The following NUP58 variants were observed in gnomAD, a reference collection of about 807,000 sequenced individuals.
The protein encoded by NUP58 is nucleoporin p58/p45.
Under a neutral mutation model 70.1 loss-of-function variants are expected in NUP58, and 17 were observed. The observed-to-expected ratio is 0.24, with a 90% CI of 0.17 to 0.36. The LOEUF is 0.36. Among genes scored for constraint, NUP58 ranks in the 10% least tolerant of loss-of-function variants. The pLI is 1.00. For synonymous variants in NUP58, 275 were observed against 257.6 expected (o/e 1.07, Z -0.65); for missense variants, 644 against 701.5 (o/e 0.92, Z 0.93).
intron 13 of NUP58, chr13:25,333,413 T>C (rs1260031617): frequency 1.0e-6 from 1 of 985,242 alleles, no homozygotes; most frequent in Admixed American, 6.2e-5. Flanking sequence ...TTTGGGGAAA[T>C]TGACTGCCTT....
At chr13:25,320,735 C>A in intron 8 of NUP58, 140 bp downstream of exon 8, 1 of 770,562 alleles carries the variant, frequency 1.3e-6, no homozygotes, top group Non-Finnish European at 2.0e-6. Flanking sequence ...TTTTAGAAAT[C>A]AGAAAAAAAG....
intron 14 of NUP58, 54 bp from the exon 15 acceptor site, chr13:25,338,582 C>A: frequency 1.5e-6 from 2 of 1,328,918 alleles, no homozygotes; most frequent in Non-Finnish European, 2.2e-6. Flanking sequence ...TGTCCATATC[C>A]TTTAACCTGT....
intron 6 of NUP58, among the ~76,000 whole-genome samples, chr13:25,315,909 A>G (rs1264370179): frequency 1.3e-5 from 2 of 152,182 alleles, no homozygotes; most frequent in African/African-American, 4.8e-5. Context: ...TCAACTGCTT[A>G]TAAGCTCTCT....
At position 25,311,154 on chromosome 13, in the gene NUP58, G is replaced by A. The variant is rs1044013018; in HGVS notation, c.287-1729G>A. On this transcript the variant is annotated intron_variant, in intron 3 of 15. Coordinates refer to ENST00000381736, the MANE Select transcript of NUP58 (RefSeq NM_014089.4). The stretch of plus-strand genomic sequence containing the variant: ...AGTGCAAAGGCCCAGTCATAAAAGC[G>A]TTCTGGGAAATATGAAGTATTTTGG... Among the ~76,000 whole-genome samples the A allele has an allele frequency of 3.3e-5, 5 of 152,174 alleles. No individual in the cohort carries two copies. The East Asian group carries it at 7.7e-4, about 23-fold the overall frequency.
chr13:25,326,808 C>G (rs967948687), intron 10 of NUP58, 108 bp from the exon 11 acceptor site: 2 of 541,724 alleles, frequency 3.7e-6, no homozygotes, highest in Non-Finnish European at 6.5e-6. Flanking sequence ...CTTGGATAAC[C>G]TTGATACTTT....
At chr13:25,348,880 C>T (rs182909834) in intron 3 of NUP58, among the ~76,000 whole-genome samples, 13 of 152,186 alleles carry the variant, frequency 8.5e-5, no homozygotes, top group South Asian at 2.1e-4. Context: ...AACTCTTTTT[C>T]GTAACATACA....
At chr13:25,328,297 C>G (rs965645598) in intron 12 of NUP58, among the ~76,000 whole-genome samples, 1 of 151,872 alleles carries the variant, frequency 6.6e-6, no homozygotes, top group East Asian at 1.9e-4. Context: ...TAAAAACCGG[C>G]TTACAGCATT....
chr13:25,305,985 C>A (rs2137712973), intron 1 of NUP58, among the ~76,000 whole-genome samples: 1 of 152,264 alleles, frequency 6.6e-6, no homozygotes, highest in South Asian at 2.1e-4. Context: ...TGCTCCCTTG[C>A]TATTCCTGGC....
rs2030422936 is a variant in NUP58 at position 25,307,395 on chromosome 13, T to G, written c.108-411T>G. Among the ~76,000 whole-genome samples the G allele has an allele frequency of 1.3e-5, 2 of 151,988 alleles. 1 individual carries two copies. Among genetic ancestry groups the G allele is most frequent in the South Asian group, 4.2e-4 (2 of 4,810 alleles). ...CACACCTGGCTAATTTTTGTATTTT[T>G]GGAAGAGACGAGGTTTCACCCTGTT... On this transcript the variant is annotated intron_variant, in intron 1 of 15. Transcript: ENST00000381736.
chr13:25,321,090 T>C lies in NUP58; in HGVS notation c.948T>C (p.Ala316=). 1.3e-6 allele frequency: 2 copies of C among 1,583,272 alleles called. No individual in the cohort carries two copies. The highest frequency in any genetic ancestry group is 1.7e-6 in the Non-Finnish European group (2 of 1,170,896). The change falls in exon 9 of 16, where the codon GCT becomes GCC. Residue 316 remains alanine, a synonymous_variant. Transcript: ENST00000381736. ...LNIDKLKIET[A]QELKNAEIAL... ...TTGACAAATTGAAAATAGAAACTGC[T>C]CAGGTATACCAACTTATGGCCATTT...
At chr13:25,308,099 A>G in intron 2 of NUP58, 151 bp downstream of exon 2, 3 of 786,666 alleles carry the variant, frequency 3.8e-6, no homozygotes, top group Non-Finnish European at 5.7e-6. Flanking sequence ...AGGAATTGGA[A>G]TTAAGGGCTA....
chr13:25,324,873 T>G, intron 9 of NUP58, 116 bp from the exon 10 acceptor site: 1 of 717,786 alleles, frequency 1.4e-6, no homozygotes, highest in South Asian at 1.6e-5. Flanking sequence ...AGCATGAACC[T>G]CCAAGGTATT....
chr13:25,308,520 C>T (rs1195308197), intron 2 of NUP58, among the ~76,000 whole-genome samples: 4 of 150,424 alleles, frequency 2.7e-5, no homozygotes, highest in Non-Finnish European at 5.9e-5. Context: ...AAGAGGTCTC[C>T]TCCTGGTCTT....
At chr13:25,313,926 A>T (rs1054382716) in intron 5 of NUP58, among the ~76,000 whole-genome samples, 175 bp downstream of exon 5, 1 of 151,938 alleles carries the variant, frequency 6.6e-6, no homozygotes, top group South Asian at 2.1e-4. Flanking sequence ...ACCGTATTTT[A>T]TTTATTTATT....
intron 7 of NUP58, 100 bp from the exon 8 acceptor site, chr13:25,320,430 A>G (rs960181572): frequency 1.2e-5 from 9 of 735,820 alleles, no homozygotes; most frequent in Admixed American, 9.3e-5. Context: ...CTTTTTTGCT[A>G]TATTTTCTTG....
chr13:25,333,372 G>T, intron 13 of NUP58: 4 of 985,324 alleles, frequency 4.1e-6, no homozygotes, highest in Non-Finnish European at 4.8e-6. Flanking sequence ...TTGCTCATAG[G>T]CTTTAATTTT....
intron 15 of NUP58, 150 bp downstream of exon 15, chr13:25,338,881 A>G (rs972686831): frequency 1.9e-6 from 1 of 521,902 alleles, no homozygotes; most frequent in East Asian, 3.1e-5. Flanking sequence ...CTAACTAATC[A>G]TTTTACTTTA....
At chr13:25,328,198 C>CA (rs894017363) in intron 12 of NUP58, among the ~76,000 whole-genome samples, 4 of 148,530 alleles carry the variant, frequency 2.7e-5, no homozygotes, top group Admixed American at 6.7e-5. Context: ...GATTCCATCT[C>CA]AAAAAAAAAG....
chr13:25,349,430 C>G (rs2032082930), intron 3 of NUP58: 1 of 152,294 alleles, frequency 6.6e-6, no homozygotes, highest in Non-Finnish European at 1.5e-5. Context: ...AAGAATCCAT[C>G]TTATAGGTTG....
Sources: gnomAD v4.1 joint callset for allele counts (sites outside exome capture counted in the v4.1 genomes callset) on GRCh38, gnomAD v4.1.1 for gene constraint, MANE v1.5 for transcripts, NCBI Gene and HGNC (gene_info 2026-07-23, HGNC 2026-07-21) for gene names.